The following OR8J1 variants were observed in gnomAD, a reference collection of about 807,000 sequenced individuals.
OR8J1 encodes olfactory receptor family 8 subfamily J member 1.
For synonymous variants in OR8J1, 157 were observed against 144.3 expected, an observed-to-expected ratio of 1.09 and a Z score of -0.63; for missense variants, 400 against 373.0, an observed-to-expected ratio of 1.07 and a Z score of -0.60.
At chr11:56,356,362 T>C (rs1023122737) in intron 1 of OR8J1, among the ~76,000 whole-genome samples, 1 of 152,226 alleles carries the variant, frequency 6.6e-6, no homozygotes, top group African/African-American at 2.4e-5. Context: ...TAATTAATTA[T>C]TGAATTTTCA....
chr11:56,360,166 T>G, intron 1 of OR8J1, 61 bp from the exon 2 acceptor site: 1 of 1,114,710 alleles, frequency 9.0e-7, no homozygotes, highest in Non-Finnish European at 1.3e-6. Context: ...GTCCTAGCCA[T>G]ATAAGGGCAG....
At chr11:56,357,330 TG>T (rs113014181) in intron 1 of OR8J1, 59 of 607,902 alleles carry the variant, frequency 9.7e-5, no homozygotes, top group African/African-American at 8.2e-4. Flanking sequence ...GGACGGAGTT[TG>T]TTAAAGTTGT....
chr11:56,360,267 C>T lies in OR8J1; in HGVS notation c.21C>T (p.Thr7=), dbSNP rs143902414. The T allele has an allele frequency of 2.4e-3, 3,788 of 1,568,474 alleles. 10 individuals carry two copies. Among genetic ancestry groups the T allele is most frequent in the Middle Eastern group, 4.8e-3 (28 of 5,782 alleles). The change falls in exon 2 of 2, where the codon ACC becomes ACT. Residue 7 remains threonine (T), a synonymous_variant. Transcript: ENST00000533152. MAPENF[T]RVTEFILTGV... is the part of the protein sequence containing the mutation. ...CTGACATGGCTCCTGAAAATTTCAC[C>T]AGAGTCACTGAGTTTATTCTTACAG...
intron 1 of OR8J1, among the ~76,000 whole-genome samples, chr11:56,359,322 A>G (rs1037074772): frequency 3.9e-5 from 6 of 152,076 alleles, no homozygotes; most frequent in African/African-American, 1.4e-4. Context: ...TCTATAAAAT[A>G]ACAATATTTA....
intron 1 of OR8J1, chr11:56,357,953 G>A (rs907251254): frequency 2.4e-5 from 21 of 881,316 alleles, no homozygotes; most frequent in African/African-American, 1.2e-4. Flanking sequence ...AGTTGCTAGC[G>A]CTACTTAATG....
chr11:56,360,576 G>T lies in OR8J1; in HGVS notation c.330G>T (p.Ser110=). 5 of 1,613,864 alleles carry T rather than the reference G, an allele frequency of 3.1e-6. No individual in the cohort carries two copies. Among genetic ancestry groups the T allele is most frequent in the Non-Finnish European group, 4.2e-6 (5 of 1,179,972 alleles). ...QLGGFLFFIV[S]EVIMLALMAY... is the part of the protein sequence containing the mutation. The stretch of plus-strand genomic sequence containing the variant: ...GAGGGTTCTTGTTCTTTATTGTATC[G>T]GAGGTAATCATGCTGGCTTTGATGG... The change falls in exon 2 of 2, where the codon TCG becomes TCT. Residue 110 remains serine, a synonymous_variant. Transcript: ENST00000533152.
intron 1 of OR8J1, 127 bp downstream of exon 1, chr11:56,354,452 A>G (rs961374373): frequency 1.3e-5 from 2 of 152,198 alleles, no homozygotes; most frequent in Non-Finnish European, 2.9e-5. Context: ...CAGAAATATG[A>G]TAAGATAAAT....
Position 56,357,836 on chromosome 11 carries a change from G to C in OR8J1, c.-20-2391G>C. 4 of 993,070 alleles carry C rather than the reference G, an allele frequency of 4.0e-6. No individual in the cohort carries two copies. In the South Asian group the frequency reaches 5.1e-5, roughly 13 times the overall value. 61.5% of individuals were successfully genotyped at this position (993,070 alleles called of 1,614,324 possible). Reference sequence around the variant, plus strand: ...TGAAGGAAGCTGCGGTTGGAGGCTTGTCTATCCCTCACAGTACCAAACAAT... The same window carrying C: ...TGAAGGAAGCTGCGGTTGGAGGCTTCTCTATCCCTCACAGTACCAAACAAT... On this transcript the variant is annotated intron_variant, in intron 1 of 1. Coordinates refer to ENST00000533152, the MANE Select transcript of OR8J1 (RefSeq NM_001005205.3).
chr11:56,361,146 T>C lies in OR8J1; in HGVS notation c.900T>C (p.Thr300=). The change falls in exon 2 of 2, where the codon ACT becomes ACC. Residue 300 remains threonine (T), a synonymous_variant. Transcript: ENST00000533152. The stretch of plus-strand genomic sequence containing the variant: ...GCCTGAGGAATAAGGATGTGAAGAC[T>C]GCTCTACAGAGATTCATGACAAATC... ...IYSLRNKDVK[T]ALQRFMTNLC... 1 of 1,445,020 alleles carries C rather than the reference T, an allele frequency of 6.9e-7. No homozygotes were observed. Among genetic ancestry groups the C allele is most frequent in the Non-Finnish European group, 9.1e-7 (1 of 1,103,374 alleles). The allele number at this position is 1,445,020 out of a possible 1,614,324, so 89.5% of individuals were successfully genotyped here.
chr11:56,357,922 T>C (rs1171465916), intron 1 of OR8J1: 10 of 832,190 alleles, frequency 1.2e-5, no homozygotes, highest in Admixed American at 1.8e-5. Flanking sequence ...AAGGACATCA[T>C]GGGCCAGAAT....
chr11:56,358,047 T>C (rs963736365), intron 1 of OR8J1: 20 of 646,514 alleles, frequency 3.1e-5, no homozygotes, highest in Non-Finnish European at 4.1e-5. Context: ...AGGAGACGTA[T>C]AAGAAAGCTC....
intron 1 of OR8J1, chr11:56,357,295 C>T (rs1351155102): frequency 1.2e-5 from 6 of 486,026 alleles, no homozygotes; most frequent in East Asian, 3.6e-5. Context: ...TCTGTCAAGC[C>T]GTGGATGCGG....
At chr11:56,357,581 T>C (rs1590856677) in intron 1 of OR8J1, 2 of 1,064,920 alleles carry the variant, frequency 1.9e-6, no homozygotes, top group South Asian at 1.2e-5. Flanking sequence ...TGCCAAAATA[T>C]GGTGTGAAGG....
intron 1 of OR8J1, among the ~76,000 whole-genome samples, chr11:56,354,688 A>G (rs549571361): frequency 6.6e-6 from 1 of 152,324 alleles, no homozygotes; most frequent in Non-Finnish European, 1.5e-5. Flanking sequence ...AGGATAGCCT[A>G]TGAGAGAAAA....
At chr11:56,355,808 C>T (rs921014121) in intron 1 of OR8J1, among the ~76,000 whole-genome samples, 16 of 152,100 alleles carry the variant, frequency 1.1e-4, no homozygotes, top group Admixed American at 1.0e-3. Flanking sequence ...TTAAATACTA[C>T]AAAATTAAAG....
At chr11:56,358,206 G>T in intron 1 of OR8J1, 1 of 289,904 alleles carries the variant, frequency 3.4e-6, no homozygotes, top group South Asian at 6.2e-5. Context: ...CTCAGGAGCA[G>T]GATGCTGAAA....
At chr11:56,357,364 A>C in intron 1 of OR8J1, 1 of 714,756 alleles carries the variant, frequency 1.4e-6, no homozygotes, top group East Asian at 2.6e-5. Flanking sequence ...CTACTTTAAG[A>C]GATATACCAA....
Position 56,360,367 on chromosome 11 carries a change from G to T in OR8J1, c.121G>T (p.Gly41Trp). The T allele has an allele frequency of 6.2e-7, 1 of 1,614,118 alleles. No homozygotes were observed. The highest frequency in any genetic ancestry group is 8.5e-7 in the Non-Finnish European group (1 of 1,180,010). Residue 41 changes from glycine to tryptophan, a missense_variant, in exon 2 of 2, where the codon GGG becomes TGG. Transcript: ENST00000533152. ...FLVLYGLTMA[G>W]NLGIITLTSV... is the part of the protein sequence containing the mutation. Reference sequence around the variant, plus strand: ...GGTGCTCTATGGGCTGACCATGGCAGGGAACCTGGGCATCATCACCCTCAC... The same window carrying T: ...GGTGCTCTATGGGCTGACCATGGCATGGAACCTGGGCATCATCACCCTCAC...
Position 56,360,353 on chromosome 11 carries a change from G to T in OR8J1, c.107G>T (p.Gly36Val), listed in dbSNP as rs7927015. Residue 36 changes from glycine to valine, a missense_variant, in exon 2 of 2, where the codon GGG becomes GTG. Gly to Val is a moderately radical substitution (Grantham distance 109). Transcript: ENST00000533152. Reference sequence around the variant, plus strand: ...TTCCTGGTCTTTCTGGTGCTCTATGGGCTGACCATGGCAGGGAACCTGGGC... The same window carrying T: ...TTCCTGGTCTTTCTGGTGCTCTATGTGCTGACCATGGCAGGGAACCTGGGC... ...PLFLVFLVLYGLTMAGNLGII... is the reference protein window; with the variant it reads ...PLFLVFLVLYVLTMAGNLGII... The T allele has an allele frequency of 0.073, 118,135 of 1,613,932 alleles. 4,887 individuals carry two copies. The highest frequency in any genetic ancestry group is 0.082 in the Non-Finnish European group (96,287 of 1,179,960).
Sources: allele counts gnomAD v4.1 joint callset (sites outside exome capture counted in the v4.1 genomes callset), GRCh38; gene constraint gnomAD v4.1.1; transcripts MANE v1.5; gene names NCBI Gene and HGNC (gene_info 2026-07-23, HGNC 2026-07-21).